Variants in FSTL4 observed in about 807,000 individuals in gnomAD.
FSTL4 encodes the protein follistatin-related protein 4.
In FSTL4, 28 loss-of-function variants were observed where a neutral mutation model predicts 78.2. That is an observed-to-expected ratio of 0.36 (90% CI 0.27 to 0.49). The LOEUF (loss-of-function observed/expected upper bound fraction) is 0.49, where lower values mean the gene tolerates loss of function less well. Among genes scored for constraint, FSTL4 ranks in the 20% least tolerant of loss-of-function variants. The probability of loss-of-function intolerance (pLI) is 0.98; values close to 1 mark genes in which losing one functional copy is unlikely to be tolerated. For synonymous variants in FSTL4, 422 were observed against 440.5 expected (o/e 0.96, Z 0.53); for missense variants, 922 against 1,084.9 (o/e 0.85, Z 2.11).
At chr5:133,773,801 G>A in the FSTL4 span, among the ~76,000 whole-genome samples, 1 of 152,006 alleles carries the variant, frequency 6.6e-6, no homozygotes, top group African/African-American at 2.4e-5. Flanking sequence ...AAAATAATTG[G>A]TATTGGAACT....
intron 2 of FSTL4, among the ~76,000 whole-genome samples, chr5:133,578,725 T>C (rs1162742489): frequency 4.6e-5 from 7 of 152,226 alleles, no homozygotes; most frequent in Admixed American, 4.6e-4. Context: ...TAGCCCTGAA[T>C]TTAAGACAGT....
chr5:133,320,868 A>G (rs563241618), intron 4 of FSTL4, among the ~76,000 whole-genome samples: 268 of 152,092 alleles, frequency 1.8e-3, no homozygotes, highest in African/African-American at 3.8e-3. Flanking sequence ...TTAGCCAGGC[A>G]TGGTGGCGGG....
the FSTL4 span, among the ~76,000 whole-genome samples, chr5:133,799,353 G>C: frequency 7.2e-6 from 1 of 138,602 alleles, no homozygotes; most frequent in Non-Finnish European, 1.6e-5. Context: ...ATTCAAGCTA[G>C]TTTCAGCAGA....
intron 3 of FSTL4, among the ~76,000 whole-genome samples, chr5:133,416,549 T>A (rs1229813013): frequency 6.6e-6 from 1 of 152,202 alleles, no homozygotes; most frequent in Non-Finnish European, 1.5e-5. Context: ...CTTTATTAAT[T>A]TTAAAGAAAA....
chr5:133,277,512 A>G (rs751460737), intron 6 of FSTL4, among the ~76,000 whole-genome samples: 1 of 152,194 alleles, frequency 6.6e-6, no homozygotes, highest in Non-Finnish European at 1.5e-5. Context: ...TCCACTTACT[A>G]TCTAAAAAAT....
rs189627025 is a variant in FSTL4, at chr5:133,341,151, C to T, written c.410-24499G>A. On this transcript the variant is annotated intron_variant, in intron 4 of 15. Transcript: ENST00000265342. ...GACTTGTGCAGACATGACCTCCCTT[C>T]GAAACTAAGAGCTCAGGAGAGAGTT... Among the ~76,000 whole-genome samples the T allele has an allele frequency of 4.0e-5, 6 of 150,778 alleles. No homozygotes were observed. The South Asian group carries it at 1.0e-3, about 26-fold the overall frequency.
At chr5:133,714,749 A>G in the FSTL4 span, among the ~76,000 whole-genome samples, 2 of 152,158 alleles carry the variant, frequency 1.3e-5, no homozygotes, top group Non-Finnish European at 2.9e-5. Context: ...TAATTAAGTC[A>G]TGCCTGTCTC....
chr5:133,578,320 G>A (rs555840414), intron 2 of FSTL4, among the ~76,000 whole-genome samples: 7 of 152,356 alleles, frequency 4.6e-5, no homozygotes, highest in Admixed American at 2.6e-4. Context: ...TGTTTCAGTA[G>A]CTGCTCCACC....
At chr5:133,774,290 C>T in the FSTL4 span, among the ~76,000 whole-genome samples, 1 of 152,094 alleles carries the variant, frequency 6.6e-6, no homozygotes, top group South Asian at 2.1e-4. Flanking sequence ...TGCCAGGGCT[C>T]TTAGGCTAAG....
At chr5:133,720,995 T>G in the FSTL4 span, 1 of 152,202 alleles carries the variant, frequency 6.6e-6, no homozygotes, top group East Asian at 1.9e-4. Flanking sequence ...CAGTCACCAG[T>G]GCCCACTCTT....
intron 4 of FSTL4, among the ~76,000 whole-genome samples, chr5:133,323,108 C>T (rs916082267): frequency 7.2e-5 from 11 of 152,134 alleles, no homozygotes; most frequent in Non-Finnish European, 4.4e-5. Context: ...GGGACACAGA[C>T]TTCATCTTAG....
intron 3 of FSTL4, among the ~76,000 whole-genome samples, chr5:133,468,487 T>C (rs917006642): frequency 4.8e-4 from 73 of 152,218 alleles, no homozygotes; most frequent in African/African-American, 1.8e-3. Flanking sequence ...TCTCTTCCTC[T>C]GTTTTCTTAT....
At chr5:133,816,545 C>T in the FSTL4 span, among the ~76,000 whole-genome samples, 1 of 152,200 alleles carries the variant, frequency 6.6e-6, no homozygotes, top group Non-Finnish European at 1.5e-5. Flanking sequence ...GGCTCCCAGG[C>T]CCTGCAACTC....
chr5:133,454,129 C>T (rs190889763), intron 3 of FSTL4, among the ~76,000 whole-genome samples: 5 of 152,062 alleles, frequency 3.3e-5, no homozygotes, highest in Admixed American at 6.5e-5. Context: ...GATACTATCA[C>T]GCTACTTTCT....
At chr5:133,393,320 G>T (rs537175755) in intron 4 of FSTL4, among the ~76,000 whole-genome samples, 1 of 152,226 alleles carries the variant, frequency 6.6e-6, no homozygotes, top group African/African-American at 2.4e-5. Flanking sequence ...GGGTGGAGAT[G>T]TGTGGCGTTT....
the FSTL4 span, among the ~76,000 whole-genome samples, chr5:133,724,854 C>T: frequency 5.9e-5 from 9 of 152,234 alleles, no homozygotes; most frequent in East Asian, 5.8e-4. Context: ...TTAGCACTTA[C>T]GTTTAGGTTT....
intron 3 of FSTL4, among the ~76,000 whole-genome samples, chr5:133,554,337 C>T (rs927519265): frequency 1.3e-5 from 2 of 152,216 alleles, no homozygotes; most frequent in Admixed American, 6.5e-5. Flanking sequence ...TGGGCCTCTG[C>T]TGCGGGTAGC....
the FSTL4 span, among the ~76,000 whole-genome samples, chr5:133,715,525 A>G: frequency 6.6e-6 from 1 of 152,220 alleles, no homozygotes; most frequent in Admixed American, 6.5e-5. Context: ...TCTTGATACC[A>G]TAGTGATTAA....
intron 3 of FSTL4, among the ~76,000 whole-genome samples, chr5:133,475,296 T>C (rs1264640347): frequency 6.6e-6 from 1 of 152,216 alleles, no homozygotes; most frequent in Non-Finnish European, 1.5e-5. Flanking sequence ...TAAAATTCAT[T>C]ATTGAAAAGG....
Sources: allele counts gnomAD v4.1 joint callset (sites outside exome capture counted in the v4.1 genomes callset), GRCh38; gene constraint gnomAD v4.1.1; transcripts MANE v1.5; gene names NCBI Gene and HGNC (gene_info 2026-07-23, HGNC 2026-07-21).